The following DCLK1 variants were observed in gnomAD, a reference collection of about 807,000 sequenced individuals.
The protein encoded by DCLK1 is doublecortin like kinase 1.
DCLK1 carries 16 observed loss-of-function variants against 86.2 expected under a neutral mutation model. That is an observed-to-expected ratio of 0.19 (90% CI 0.13 to 0.28). The LOEUF is 0.28. Among genes scored for constraint, DCLK1 ranks in the 10% least tolerant of loss-of-function variants. The probability of loss-of-function intolerance (pLI) is 1.00; values close to 1 mark genes in which losing one functional copy is unlikely to be tolerated. For missense variants in DCLK1, 590 were observed against 940.2 expected, an observed-to-expected ratio of 0.63 and a Z score of 4.87; for synonymous variants, 369 against 370.5, an observed-to-expected ratio of 1.00 and a Z score of 0.05.
intron 4 of DCLK1, among the ~76,000 whole-genome samples, chr13:35,943,807 C>T (rs748091841): frequency 1.3e-5 from 2 of 152,312 alleles, no homozygotes; most frequent in African/African-American, 4.8e-5. Context: ...ATTACAAATT[C>T]GTCCATTTGT....
intron 3 of DCLK1, among the ~76,000 whole-genome samples, chr13:36,049,221 T>G (rs1168851936): frequency 6.6e-6 from 1 of 152,126 alleles, no homozygotes; most frequent in Non-Finnish European, 1.5e-5. Flanking sequence ...GTGTACTATT[T>G]TAGATTGTTT....
intron 13 of DCLK1, among the ~76,000 whole-genome samples, 191 bp from the exon 14 acceptor site, chr13:35,808,511 G>A (rs367858075): frequency 6.6e-5 from 10 of 152,310 alleles, no homozygotes; most frequent in South Asian, 4.1e-4. Context: ...GGCCGGGTGC[G>A]GCGGCTCACA....
chr13:35,967,291 G>A (rs1282044050), intron 3 of DCLK1, among the ~76,000 whole-genome samples: 2 of 151,888 alleles, frequency 1.3e-5, no homozygotes, highest in African/African-American at 4.8e-5. Flanking sequence ...GAAGTGAGGA[G>A]CCCCTCTGCC....
At chr13:35,803,646 C>G (rs1194273397) in intron 15 of DCLK1, among the ~76,000 whole-genome samples, 2 of 152,142 alleles carry the variant, frequency 1.3e-5, no homozygotes, top group East Asian at 1.9e-4. Flanking sequence ...TTCTTGTCCC[C>G]CCATATGTAG....
chr13:35,964,281 T>C (rs180923707), intron 3 of DCLK1, among the ~76,000 whole-genome samples: 3 of 152,266 alleles, frequency 2.0e-5, no homozygotes, highest in Non-Finnish European at 4.4e-5. Flanking sequence ...AGTGCCAGGT[T>C]TGGAGAATTT....
At chr13:35,783,316 T>TG (rs1265561456) in intron 16 of DCLK1, among the ~76,000 whole-genome samples, 1 of 149,044 alleles carries the variant, frequency 6.7e-6, no homozygotes, top group African/African-American at 2.5e-5. Flanking sequence ...GAAAGCAAAT[T>TG]TTTTTTTTTT....
chr13:35,881,184 A>G (rs1293467866), intron 4 of DCLK1, among the ~76,000 whole-genome samples: 1 of 152,138 alleles, frequency 6.6e-6, no homozygotes, highest in African/African-American at 2.4e-5. Flanking sequence ...ACAAATTACA[A>G]TGGTCTAGCT....
At chr13:35,981,227 G>A (rs565479463) in intron 3 of DCLK1, among the ~76,000 whole-genome samples, 1 of 146,204 alleles carries the variant, frequency 6.8e-6, no homozygotes, top group African/African-American at 2.5e-5. Context: ...AAAGTGTTTT[G>A]TTTTTTTTTT....
chr13:35,867,748 T>C (rs1160542784), intron 5 of DCLK1, among the ~76,000 whole-genome samples: 1 of 151,956 alleles, frequency 6.6e-6, no homozygotes, highest in African/African-American at 2.4e-5. Flanking sequence ...AATTATTGCC[T>C]ATATGCATAA....
intron 3 of DCLK1, among the ~76,000 whole-genome samples, chr13:35,973,428 G>T (rs537854758): frequency 1.1e-4 from 17 of 152,270 alleles, no homozygotes; most frequent in Admixed American, 2.0e-4. Context: ...TCGCACCTCG[G>T]TCTATGCCTT....
At chr13:35,785,314 C>T (rs940119733) in intron 16 of DCLK1, among the ~76,000 whole-genome samples, 3 of 152,104 alleles carry the variant, frequency 2.0e-5, no homozygotes, top group Non-Finnish European at 4.4e-5. Flanking sequence ...AATAAGGATG[C>T]ATTTCCAGGA....
chr13:35,846,207 C>T, intron 6 of DCLK1: 1 of 985,186 alleles, frequency 1.0e-6, no homozygotes, highest in South Asian at 4.7e-5. Context: ...AAACTGTGAG[C>T]AGAAAGTATG....
At chr13:36,093,608 T>C (rs1021063268) in intron 3 of DCLK1, among the ~76,000 whole-genome samples, 1 of 152,200 alleles carries the variant, frequency 6.6e-6, no homozygotes, top group African/African-American at 2.4e-5. Context: ...CCCAAAGTCA[T>C]TGCTAGCACA....
intron 3 of DCLK1, among the ~76,000 whole-genome samples, chr13:35,976,912 C>CA (rs1182916160): frequency 6.6e-6 from 1 of 152,080 alleles, no homozygotes; most frequent in African/African-American, 2.4e-5. Flanking sequence ...ATGAACAGAC[C>CA]ACGGCATTAA....
chr13:35,947,330 C>T (rs757551460), intron 4 of DCLK1, 28 bp downstream of exon 4: 10 of 1,599,810 alleles, frequency 6.3e-6, no homozygotes, highest in Admixed American at 1.7e-5. Flanking sequence ...TCAAATTTCC[C>T]CTGGTTTTGA....
At chr13:35,847,657 A>C in intron 6 of DCLK1, 1 of 892,044 alleles carries the variant, frequency 1.1e-6, no homozygotes, top group Non-Finnish European at 1.3e-6. Context: ...GAAAGAAAGA[A>C]AAAGAGCCCA....
At chr13:35,789,527 T>G (rs1264351784) in intron 16 of DCLK1, among the ~76,000 whole-genome samples, 1 of 152,214 alleles carries the variant, frequency 6.6e-6, no homozygotes, top group African/African-American at 2.4e-5. Context: ...ACAGGCAAAG[T>G]GTCATATAAC....
intron 4 of DCLK1, among the ~76,000 whole-genome samples, chr13:35,945,676 C>T (rs986266926): frequency 1.3e-5 from 2 of 152,170 alleles, no homozygotes; most frequent in African/African-American, 2.4e-5. Flanking sequence ...ACCGTGCTGT[C>T]AACTCTTCTG....
intron 3 of DCLK1, among the ~76,000 whole-genome samples, chr13:35,967,441 AAAG>A (rs1240337869): frequency 6.6e-6 from 1 of 152,246 alleles, no homozygotes; most frequent in Non-Finnish European, 1.5e-5. Context: ...GTCTGTGTAG[AAAG>A]AAGTAGACAT....
Sources: allele counts gnomAD v4.1 joint callset (sites outside exome capture counted in the v4.1 genomes callset), GRCh38; gene constraint gnomAD v4.1.1; transcripts MANE v1.5; gene names NCBI Gene and HGNC (gene_info 2026-07-23, HGNC 2026-07-21).